Variants in BTBD9 observed in about 807,000 individuals in gnomAD.
The protein encoded by BTBD9 is BTB/POZ domain-containing protein 9.
Under a neutral mutation model 64.3 loss-of-function variants are expected in BTBD9, and 49 were observed. The observed-to-expected ratio is 0.76, with a 90% CI of 0.61 to 0.97. The LOEUF is 0.97. Ranked by LOEUF, BTBD9 falls within the 50% of genes least tolerant of loss-of-function variation. BTBD9 has a pLI of 0.00. For synonymous variants in BTBD9, 260 were observed against 274.7 expected (o/e 0.95, Z 0.53); for missense variants, 598 against 762.1 (o/e 0.78, Z 2.53).
intron 7 of BTBD9, among the ~76,000 whole-genome samples, chr6:38,331,135 G>A (rs1029974519): frequency 1.6e-4 from 25 of 152,356 alleles, no homozygotes; most frequent in African/African-American, 5.5e-4. Flanking sequence ...CATTTGCAAT[G>A]TATATAAAAG....
intron 6 of BTBD9, among the ~76,000 whole-genome samples, chr6:38,492,468 C>T (rs1771745619): frequency 6.6e-6 from 1 of 152,126 alleles, no homozygotes; most frequent in Non-Finnish European, 1.5e-5. Context: ...AAAATACAGG[C>T]CACCTGTGTT....
intron 6 of BTBD9, among the ~76,000 whole-genome samples, chr6:38,541,633 G>C (rs1424150956): frequency 6.6e-6 from 1 of 152,170 alleles, no homozygotes; most frequent in Non-Finnish European, 1.5e-5. Flanking sequence ...AGGTAGTCGG[G>C]AGGCTGAGGC....
chr6:38,569,320 T>C (rs1775656798), intron 6 of BTBD9, among the ~76,000 whole-genome samples: 1 of 152,236 alleles, frequency 6.6e-6, no homozygotes, highest in Non-Finnish European at 1.5e-5. Flanking sequence ...TAAATGTTTC[T>C]TGCGTGAATG....
chr6:38,617,527 C>A (rs1397855960), intron 1 of BTBD9, among the ~76,000 whole-genome samples: 6 of 152,166 alleles, frequency 3.9e-5, no homozygotes, highest in Admixed American at 3.9e-4. Flanking sequence ...GCTTACCAAT[C>A]AGAAAGACAT....
At chr6:38,503,969 A>C (rs9394505) in intron 6 of BTBD9, among the ~76,000 whole-genome samples, 151,031 of 152,308 alleles carry the variant, frequency 0.99, 74,889 homozygotes, top group East Asian at 1. Context: ...CCATTGCTAA[A>C]AATTCTTGCC....
chr6:38,618,351 G>C (rs1416762165), intron 1 of BTBD9, among the ~76,000 whole-genome samples: 3 of 152,200 alleles, frequency 2.0e-5, no homozygotes, highest in Middle Eastern at 3.2e-3. Flanking sequence ...TTCTGTAAGA[G>C]GGAAGGCAAA....
chr6:38,475,691 T>C (rs190520698), intron 6 of BTBD9, among the ~76,000 whole-genome samples: 1 of 152,302 alleles, frequency 6.6e-6, no homozygotes, highest in Admixed American at 6.5e-5. Context: ...AGGGCCACAA[T>C]TTGGTTCTGA....
intron 7 of BTBD9, among the ~76,000 whole-genome samples, chr6:38,339,477 GA>G (rs898855267): frequency 1.3e-5 from 2 of 151,434 alleles, no homozygotes; most frequent in African/African-American, 2.4e-5. Context: ...TCAAGAAAAA[GA>G]AAAAGAAAAT....
intron 9 of BTBD9, among the ~76,000 whole-genome samples, chr6:38,204,191 T>C (rs116833402): frequency 0.07 from 10,637 of 152,074 alleles, 496 homozygotes; most frequent in Non-Finnish European, 0.099. Flanking sequence ...AATAGAGAGG[T>C]GTGATATGAT....
chr6:38,504,509 C>T (rs1199146957), intron 6 of BTBD9: 1 of 456,586 alleles, frequency 2.2e-6, no homozygotes. Flanking sequence ...GAGGACTTTG[C>T]ACTGTCACTG....
intron 1 of BTBD9, among the ~76,000 whole-genome samples, chr6:38,616,789 G>A (rs374106293): frequency 4.6e-5 from 7 of 152,106 alleles, no homozygotes; most frequent in Non-Finnish European, 8.8e-5. Flanking sequence ...CCCCTTCCAC[G>A]CTGTGGAAGC....
At chr6:38,215,762 G>C (rs1762990908) in intron 9 of BTBD9, among the ~76,000 whole-genome samples, 1 of 152,186 alleles carries the variant, frequency 6.6e-6, no homozygotes, top group Non-Finnish European at 1.5e-5. Flanking sequence ...AGGAGATGTA[G>C]AGACAGATGA....
At chr6:38,440,856 G>A (rs757369354) in intron 6 of BTBD9, among the ~76,000 whole-genome samples, 3 of 152,156 alleles carry the variant, frequency 2.0e-5, no homozygotes, top group Non-Finnish European at 4.4e-5. Context: ...CACCGGTCAG[G>A]GAGCCAGGAG....
At chr6:38,639,647 A>G (rs954691941) in intron 1 of BTBD9, among the ~76,000 whole-genome samples, 153 bp downstream of exon 1, 1 of 151,302 alleles carries the variant, frequency 6.6e-6, no homozygotes, top group Non-Finnish European at 1.5e-5. Flanking sequence ...CCAAGAAATG[A>G]CCCTCGTCAG....
intron 9 of BTBD9, among the ~76,000 whole-genome samples, chr6:38,218,895 C>T (rs1267339865): frequency 6.6e-6 from 1 of 152,138 alleles, no homozygotes; most frequent in Non-Finnish European, 1.5e-5. Context: ...ATGGGAAGAA[C>T]AATCCATTTA....
chr6:38,454,142 GGACTGTTACA>G (rs1769681940), intron 6 of BTBD9, among the ~76,000 whole-genome samples: 1 of 152,102 alleles, frequency 6.6e-6, no homozygotes, highest in South Asian at 2.1e-4. Flanking sequence ...CTTGAACAAT[GGACTGTTACA>G]AAATATAATG....
chr6:38,262,538 C>A (rs1313737613), intron 8 of BTBD9, among the ~76,000 whole-genome samples: 1 of 151,642 alleles, frequency 6.6e-6, no homozygotes, highest in Non-Finnish European at 1.5e-5. Flanking sequence ...CTCTGGCTGG[C>A]TGCATACCAT....
chr6:38,532,757 T>C (rs1414005996), intron 6 of BTBD9, among the ~76,000 whole-genome samples: 2 of 151,846 alleles, frequency 1.3e-5, no homozygotes, highest in East Asian at 2.0e-4. Flanking sequence ...TAAAGAGCCC[T>C]TGGACCCTGA....
chr6:38,417,660 G>T (rs1225945361), intron 6 of BTBD9, among the ~76,000 whole-genome samples: 2 of 152,058 alleles, frequency 1.3e-5, no homozygotes, highest in Non-Finnish European at 2.9e-5. Context: ...TATAGTCCCA[G>T]CTACTTGGGG....
Sources: gnomAD v4.1 joint callset for allele counts (sites outside exome capture counted in the v4.1 genomes callset) on GRCh38, gnomAD v4.1.1 for gene constraint, MANE v1.5 for transcripts, NCBI Gene and HGNC (gene_info 2026-07-23, HGNC 2026-07-21) for gene names.